Variants in GALNT17 observed in about 807,000 individuals in gnomAD.
The protein encoded by GALNT17 is polypeptide N-acetylgalactosaminyltransferase 17.
In GALNT17, 29 loss-of-function variants were observed where a neutral mutation model predicts 63.7. The ratio of observed to expected loss-of-function variants is 0.46; its 90% CI spans 0.34 to 0.62. The LOEUF (loss-of-function observed/expected upper bound fraction) is 0.62. Ranked by LOEUF, GALNT17 falls within the 20% of genes least tolerant of loss-of-function variation. The pLI, the probability that GALNT17 is intolerant of heterozygous loss-of-function variation, is 0.01. For missense variants in GALNT17, 603 were observed against 799.6 expected (o/e 0.75, Z 2.97); for synonymous variants, 305 against 318.3 (o/e 0.96, Z 0.45).
At chr7:71,527,459 A>G (rs1459370379) in intron 5 of GALNT17, among the ~76,000 whole-genome samples, 2 of 152,196 alleles carry the variant, frequency 1.3e-5, no homozygotes, top group East Asian at 3.9e-4. Context: ...AGAGATTCCA[A>G]GTCTTCAACT....
chr7:71,143,141 G>A (rs1230418534), intron 1 of GALNT17, among the ~76,000 whole-genome samples: 4 of 151,878 alleles, frequency 2.6e-5, no homozygotes, highest in Middle Eastern at 3.2e-3. Context: ...GATGCTCTTG[G>A]CCGAGTGCAG....
At chr7:71,263,757 A>G (rs899381024) in intron 1 of GALNT17, among the ~76,000 whole-genome samples, 8 of 152,002 alleles carry the variant, frequency 5.3e-5, no homozygotes, top group Non-Finnish European at 1.2e-4. Flanking sequence ...CCCCGTCTCT[A>G]CTAAAAAAAT....
At position 71,391,245 on chromosome 7, in the gene GALNT17, G is replaced by C. The variant is rs188624571; in HGVS notation, c.589+2844G>C. Reference sequence around the variant, plus strand: ...GAGAGGAGCATGAACTGCAGATCGGGCTGGATTGGGGTGAAGACTCACTGC... The same window carrying C: ...GAGAGGAGCATGAACTGCAGATCGGCCTGGATTGGGGTGAAGACTCACTGC... On this transcript the variant is annotated intron_variant, in intron 3 of 10. Transcript: ENST00000333538. Among the ~76,000 whole-genome samples the C allele has an allele frequency of 3.0e-4, 46 of 152,288 alleles. 4 individuals carry two copies. The highest frequency in any genetic ancestry group is 2.9e-3 in the East Asian group (15 of 5,164).
At chr7:71,667,805 A>ATT (rs58037675) in intron 7 of GALNT17, among the ~76,000 whole-genome samples, 6,192 of 148,886 alleles carry the variant, frequency 0.042, 385 homozygotes, top group African/African-American at 0.14. Flanking sequence ...ATAAAGGGGA[A>ATT]TTTTTTTTTT....
intron 5 of GALNT17, among the ~76,000 whole-genome samples, chr7:71,550,607 C>T (rs1289102118): frequency 6.6e-6 from 1 of 152,068 alleles, no homozygotes; most frequent in African/African-American, 2.4e-5. Context: ...TCTTGAACAC[C>T]TGAACTTAAG....
intron 1 of GALNT17, among the ~76,000 whole-genome samples, chr7:71,160,874 G>A (rs561125124): frequency 3.2e-4 from 49 of 152,090 alleles, no homozygotes; most frequent in African/African-American, 1.0e-3. Flanking sequence ...GTCTCACTCC[G>A]TTGCCCAGGC....
At chr7:71,138,518 CTTG>C (rs1178164542) in intron 1 of GALNT17, among the ~76,000 whole-genome samples, 1 of 152,044 alleles carries the variant, frequency 6.6e-6, no homozygotes, top group Non-Finnish European at 1.5e-5. Context: ...AGTTCAGACC[CTTG>C]TTGTTCAAGG....
At chr7:71,508,996 T>C (rs1429531153) in intron 5 of GALNT17, among the ~76,000 whole-genome samples, 4 of 152,186 alleles carry the variant, frequency 2.6e-5, no homozygotes, top group Admixed American at 6.5e-5. Flanking sequence ...ACCTGCTTTC[T>C]CTTCCAGCCA....
chr7:71,573,085 C>T (rs530677274), intron 6 of GALNT17, among the ~76,000 whole-genome samples: 7 of 151,084 alleles, frequency 4.6e-5, no homozygotes, highest in East Asian at 2.0e-4. Context: ...CTTGGCTCAC[C>T]GCAACCTCCA....
chr7:71,600,551 C>A (rs1248886491), intron 6 of GALNT17, among the ~76,000 whole-genome samples: 4 of 152,078 alleles, frequency 2.6e-5, no homozygotes, highest in African/African-American at 9.7e-5. Context: ...TCTTATTTAT[C>A]TCCAACTTTA....
chr7:71,326,890 A>G (rs1197297251), intron 1 of GALNT17, among the ~76,000 whole-genome samples: 1 of 152,216 alleles, frequency 6.6e-6, no homozygotes, highest in East Asian at 1.9e-4. Context: ...TCTCTGTGAC[A>G]TTCATCAGTA....
intron 6 of GALNT17, 53 bp downstream of exon 6, chr7:71,571,455 C>T (rs564387181): frequency 2.7e-5 from 40 of 1,467,926 alleles, no homozygotes; most frequent in Middle Eastern, 1.7e-4. Context: ...GTGAGCAGAG[C>T]GTCTTGGTCA....
chr7:71,423,354 A>C (rs535818389), intron 5 of GALNT17, among the ~76,000 whole-genome samples: 1 of 152,232 alleles, frequency 6.6e-6, no homozygotes, highest in East Asian at 1.9e-4. Context: ...TTATTTGGGG[A>C]AAAGGGCTTG....
chr7:71,617,616 T>G (rs1488909388), intron 6 of GALNT17, among the ~76,000 whole-genome samples: 1 of 146,500 alleles, frequency 6.8e-6, no homozygotes, highest in African/African-American at 2.5e-5. Flanking sequence ...AACTGGCTGC[T>G]TTTGTTTGTT....
chr7:71,334,102 A>C (rs1213855879), intron 1 of GALNT17, among the ~76,000 whole-genome samples: 1 of 152,156 alleles, frequency 6.6e-6, no homozygotes, highest in African/African-American at 2.4e-5. Flanking sequence ...ATTCCTGAAG[A>C]GCATATTGGA....
rs371381704 is a variant in GALNT17, at chr7:71,621,790, C to T, written c.1081-43621C>T. Among the ~76,000 whole-genome samples the T allele has an allele frequency of 4.6e-5, 7 of 152,188 alleles. No individual in the cohort carries two copies. In the South Asian group the frequency reaches 8.3e-4, roughly 18 times the overall value. On this transcript the variant is annotated intron_variant, in intron 6 of 10. Transcript: ENST00000333538. ...TTTGATGCACCCTTTAATTCTTCAT[C>T]GAAGGGTTCCCTTGGCCTCTCTTCC...
At chr7:71,391,531 G>C (rs1793050982) in intron 3 of GALNT17, among the ~76,000 whole-genome samples, 1 of 152,138 alleles carries the variant, frequency 6.6e-6, no homozygotes. Context: ...CGCCCGGGCT[G>C]GAGTGCGGTG....
chr7:71,354,939 A>C (rs1350988732), intron 2 of GALNT17, among the ~76,000 whole-genome samples: 1 of 152,216 alleles, frequency 6.6e-6, no homozygotes, highest in Non-Finnish European at 1.5e-5. Flanking sequence ...GCCTTTCCCT[A>C]GGAAATTATC....
intron 1 of GALNT17, among the ~76,000 whole-genome samples, chr7:71,295,275 A>G (rs546651637): frequency 1.1e-4 from 16 of 152,214 alleles, no homozygotes; most frequent in Non-Finnish European, 1.8e-4. Flanking sequence ...TCCTTTGGAC[A>G]TGTCTAGAAC....
Sources: allele counts gnomAD v4.1 joint callset (sites outside exome capture counted in the v4.1 genomes callset), GRCh38; gene constraint gnomAD v4.1.1; transcripts MANE v1.5; gene names NCBI Gene and HGNC (gene_info 2026-07-23, HGNC 2026-07-21).